Variants in ZNF69 observed in about 807,000 individuals in gnomAD.
The protein encoded by ZNF69 is zinc finger protein 69.
ZNF69 carries 47 observed loss-of-function variants against 50.9 expected under a neutral mutation model. The observed-to-expected ratio is 0.92, with a 90% CI of 0.73 to 1.18. The LOEUF is 1.18. ZNF69 is among the 50% of genes most tolerant of loss of function. The pLI is 0.00. For synonymous variants in ZNF69, 216 were observed against 223.1 expected (o/e 0.97, Z 0.29); for missense variants, 717 against 675.1 (o/e 1.06, Z -0.69).
At chr19:11,920,540 C>A in the ZNF69 span, among the ~76,000 whole-genome samples, 1 of 152,154 alleles carries the variant, frequency 6.6e-6, no homozygotes, top group Non-Finnish European at 1.5e-5. Flanking sequence ...CTGCCTCGAC[C>A]ACTCAACGTG....
chr19:11,923,310 C>G, the ZNF69 span, among the ~76,000 whole-genome samples: 20 of 152,298 alleles, frequency 1.3e-4, no homozygotes, highest in South Asian at 1.2e-3. Context: ...TCATCAGAGC[C>G]TTCCTCTTCA....
At chr19:11,936,150 T>G in the ZNF69 span, among the ~76,000 whole-genome samples, 1 of 152,020 alleles carries the variant, frequency 6.6e-6, no homozygotes, top group Non-Finnish European at 1.5e-5. Flanking sequence ...CTATTGTGAA[T>G]AGTGAATATT....
At chr19:11,937,367 G>A in the ZNF69 span, among the ~76,000 whole-genome samples, 1 of 152,074 alleles carries the variant, frequency 6.6e-6, no homozygotes, top group Non-Finnish European at 1.5e-5. Flanking sequence ...TTACAGAGAC[G>A]GGGTCTCCCT....
chr19:11,979,047 A>G, the ZNF69 span: 7 of 1,614,248 alleles, frequency 4.3e-6, no homozygotes, highest in African/African-American at 1.3e-5. Flanking sequence ...GCAGTGTGGG[A>G]AAGCATTATC....
the ZNF69 span, chr19:11,976,790 C>A: frequency 9.1e-7 from 1 of 1,098,938 alleles, no homozygotes; most frequent in South Asian, 2.0e-5. Flanking sequence ...CGCTTGAACC[C>A]CGGTCATGAG....
chr19:11,978,465 T>C, the ZNF69 span: 1 of 1,614,206 alleles, frequency 6.2e-7, no homozygotes, highest in Non-Finnish European at 8.5e-7. Context: ...TGGAAAAACC[T>C]TTATTTCCCA....
the ZNF69 span, among the ~76,000 whole-genome samples, chr19:11,933,721 TTTTA>T: frequency 6.8e-6 from 1 of 147,872 alleles, no homozygotes; most frequent in South Asian, 2.1e-4. Flanking sequence ...TATTTTTTAT[TTTTA>T]TTTATTTATC....
At chr19:11,906,802 A>G (rs888390157), downstream of ZNF69, among the ~76,000 whole-genome samples, 5 of 152,256 alleles carry the variant, frequency 3.3e-5, no homozygotes, top group African/African-American at 9.6e-5. Context: ...CTCGCCAGCA[A>G]TGGAACAAAG....
chr19:11,975,961 G>T, the ZNF69 span, among the ~76,000 whole-genome samples: 1 of 150,950 alleles, frequency 6.6e-6, no homozygotes, highest in East Asian at 2.0e-4. Context: ...CATCTATCTA[G>T]CTACACTCTG....
Position 11,906,428 on chromosome 19 carries a change from A to G in ZNF69, c.*330A>G, listed in dbSNP as rs1263916341. Among the ~76,000 whole-genome samples the G allele has an allele frequency of 1.3e-5, 2 of 152,206 alleles. No individual in the cohort carries two copies. The highest frequency in any genetic ancestry group is 4.8e-5 in the African/African-American group (2 of 41,456). On this transcript the variant is annotated 3_prime_UTR_variant, in exon 4 of 4. Transcript: ENST00000429654. ...GCCTAACTGGGAGGCACTTCCCAGT[A>G]GGGGCCAACTGACACCTCATACGGC...
chr19:11,957,979 A>T, the ZNF69 span, among the ~76,000 whole-genome samples: 22 of 152,216 alleles, frequency 1.4e-4, no homozygotes, highest in Non-Finnish European at 3.2e-4. Flanking sequence ...AAATACTGGA[A>T]TATCTAGTGG....
the ZNF69 span, chr19:11,979,899 A>G: frequency 7.1e-7 from 1 of 1,406,876 alleles, no homozygotes; most frequent in Non-Finnish European, 1.0e-6. Context: ...AGACCTTATA[A>G]ATGTAAGATA....
chr19:11,942,945 C>G, the ZNF69 span, among the ~76,000 whole-genome samples: 1 of 152,092 alleles, frequency 6.6e-6, no homozygotes, highest in Non-Finnish European at 1.5e-5. Context: ...AATGGGAGTT[C>G]TCACTTTCAT....
chr19:11,912,439 A>G (rs1972470927), intron 4 of ZNF69, among the ~76,000 whole-genome samples: 1 of 152,152 alleles, frequency 6.6e-6, no homozygotes, highest in East Asian at 1.9e-4. Context: ...TTGGAAGGAA[A>G]CCCTATGAAG....
At chr19:11,888,265 CG>C (rs1976995970) in intron 1 of ZNF69, among the ~76,000 whole-genome samples, 1 of 152,196 alleles carries the variant, frequency 6.6e-6, no homozygotes. Context: ...CCAGATTGTG[CG>C]GGGGCCACGG....
chr19:11,974,091 TTC>T, the ZNF69 span, among the ~76,000 whole-genome samples: 1 of 87,992 alleles, frequency 1.1e-5, no homozygotes, highest in Non-Finnish European at 2.3e-5. Flanking sequence ...CTTTCTTTCT[TTC>T]TTTCTTTCTT....
At chr19:11,975,398 A>T in the ZNF69 span, among the ~76,000 whole-genome samples, 181 of 142,924 alleles carry the variant, frequency 1.3e-3, 1 homozygote, top group Middle Eastern at 7.4e-3. Context: ...TTTTTTTTTT[A>T]TTTTATTATT....
chr19:11,920,020 T>C, the ZNF69 span, among the ~76,000 whole-genome samples: 1 of 152,038 alleles, frequency 6.6e-6, no homozygotes, highest in African/African-American at 2.4e-5. Flanking sequence ...TTGGACCCAT[T>C]GTGAGAATAG....
chr19:11,979,005 AC>A, the ZNF69 span: 10 of 1,614,228 alleles, frequency 6.2e-6, no homozygotes, highest in Non-Finnish European at 8.5e-6. Context: ...ACATGAAAGG[AC>A]CCACTCTGCG....
Sources: allele counts gnomAD v4.1 joint callset (sites outside exome capture counted in the v4.1 genomes callset), GRCh38; gene constraint gnomAD v4.1.1; transcripts MANE v1.5; gene names NCBI Gene and HGNC (gene_info 2026-07-23, HGNC 2026-07-21).